CABLES1: variants seen among roughly 807,000 people sequenced by gnomAD.
CABLES1 encodes the protein CDK5 and ABL1 enzyme substrate 1.
Under a neutral mutation model 57.8 loss-of-function variants are expected in CABLES1, and 36 were observed. The ratio of observed to expected loss-of-function variants is 0.62; its 90% CI spans 0.48 to 0.82. The LOEUF (loss-of-function observed/expected upper bound fraction) is 0.82. Among genes scored for constraint, CABLES1 ranks in the 40% least tolerant of loss-of-function variants. CABLES1 has a pLI of 0.00. For synonymous variants in CABLES1, 374 were observed against 363.0 expected (o/e 1.03, Z -0.35); for missense variants, 767 against 836.6 (o/e 0.92, Z 1.03).
intron 4 of CABLES1, 65 bp downstream of exon 4, chr18:23,214,119 T>A (rs759011843): frequency 1.8e-6 from 2 of 1,139,030 alleles, no homozygotes; most frequent in Non-Finnish European, 1.3e-6. Context: ...ATGTACATAA[T>A]GTGGCCATCC....
At chr18:23,143,286 C>T (rs939078095) in intron 1 of CABLES1, among the ~76,000 whole-genome samples, 1 of 152,202 alleles carries the variant, frequency 6.6e-6, no homozygotes, top group Non-Finnish European at 1.5e-5. Context: ...CCTGTGCTTC[C>T]TCTCTTCTTG....
chr18:23,211,559 C>T (rs1434872877), intron 3 of CABLES1, among the ~76,000 whole-genome samples: 1 of 152,236 alleles, frequency 6.6e-6, no homozygotes, highest in Non-Finnish European at 1.5e-5. Context: ...GGAAAGCCGG[C>T]CTAGAACATC....
At chr18:23,247,147 C>T (rs912223796) in intron 7 of CABLES1, among the ~76,000 whole-genome samples, 1 of 152,260 alleles carries the variant, frequency 6.6e-6, no homozygotes, top group African/African-American at 2.4e-5. Flanking sequence ...CCCCAGCTCA[C>T]CCCCAGCACT....
At position 23,143,253 on chromosome 18, in the gene CABLES1, A is replaced by C. The variant is rs528079375; in HGVS notation, c.845+6646A>C. Among the ~76,000 whole-genome samples, 3 of 152,300 alleles carry C rather than the reference A, an allele frequency of 2.0e-5. No homozygotes were observed. The East Asian group carries it at 5.8e-4, about 29-fold the overall frequency. ...AAATAGGGATTCCTGTGACTCTGGC[A>C]ATTAACTCCCGCCCTCTGCCTGCCT... On this transcript the variant is annotated intron_variant, in intron 1 of 9. Transcript: ENST00000256925.
At chr18:23,237,861 G>C (rs528169445) in intron 7 of CABLES1, among the ~76,000 whole-genome samples, 21 of 152,380 alleles carry the variant, frequency 1.4e-4, no homozygotes, top group African/African-American at 4.8e-4. Flanking sequence ...GGGCCTGGCG[G>C]GGCCCTGGGC....
At chr18:23,205,827 C>G (rs547314063) in intron 3 of CABLES1, among the ~76,000 whole-genome samples, 3 of 152,232 alleles carry the variant, frequency 2.0e-5, no homozygotes, top group East Asian at 3.9e-4. Context: ...CCACTGCCCT[C>G]TAGTCTAGGT....
At chr18:23,256,861 T>G (rs566501642) in intron 9 of CABLES1, among the ~76,000 whole-genome samples, 3 of 152,360 alleles carry the variant, frequency 2.0e-5, no homozygotes, top group South Asian at 2.1e-4. Flanking sequence ...TAGGGTGGAC[T>G]CTTAGTGCTG....
At chr18:23,256,650 TTTG>T (rs1210518138) in intron 9 of CABLES1, among the ~76,000 whole-genome samples, 10 of 152,016 alleles carry the variant, frequency 6.6e-5, no homozygotes, top group African/African-American at 2.2e-4. Flanking sequence ...CCGGCTCATT[TTTG>T]TTATTTTTAG....
intron 8 of CABLES1, 64 bp downstream of exon 8, chr18:23,253,130 C>T: frequency 1.1e-6 from 1 of 902,340 alleles, no homozygotes; most frequent in Non-Finnish European, 1.8e-6. Flanking sequence ...ACACCGTAAG[C>T]TTGTCATCTG....
intron 1 of CABLES1, among the ~76,000 whole-genome samples, chr18:23,165,988 G>A (rs942743050): frequency 4.9e-4 from 75 of 152,152 alleles, no homozygotes; most frequent in Non-Finnish European, 2.2e-4. Context: ...TCTTCTGTGC[G>A]CAGAAAAGCA....
chr18:23,144,095 A>T (rs1001652198), intron 1 of CABLES1, among the ~76,000 whole-genome samples: 1 of 152,150 alleles, frequency 6.6e-6, no homozygotes, highest in Non-Finnish European at 1.5e-5. Context: ...CCTTCCTTCC[A>T]GCTCCGTCAG....
chr18:23,211,393 G>C (rs1197789717), intron 3 of CABLES1, among the ~76,000 whole-genome samples: 4 of 152,216 alleles, frequency 2.6e-5, no homozygotes, highest in Non-Finnish European at 5.9e-5. Context: ...GCAGGGAGTG[G>C]CAGTGAGGGT....
chr18:23,150,207 G>GTTTTTT lies in CABLES1; in HGVS notation c.845+13614_845+13619dup, dbSNP rs10638130. On this transcript the variant is annotated intron_variant, in intron 1 of 9. Coordinates refer to ENST00000256925, the MANE Select transcript of CABLES1 (RefSeq NM_001100619.3). ...TTTAAGGTCATAGTAGTTGGTGTTT[G>GTTTTTT]TTTTTTTTTTTTTTTTTTTGAGACG... is the stretch of plus-strand genomic sequence containing the variant. Among the ~76,000 whole-genome samples the GTTTTTT allele has an allele frequency of 7.4e-3, 790 of 106,310 alleles. 13 individuals are homozygous for GTTTTTT. The highest frequency in any genetic ancestry group is 8.6e-3 in the Non-Finnish European group (496 of 57,976). The allele number at this position is 106,310 out of a possible 152,430, so 69.7% of individuals were successfully genotyped here.
At chr18:23,217,934 C>T (rs987801347) in intron 4 of CABLES1, among the ~76,000 whole-genome samples, 21 of 152,228 alleles carry the variant, frequency 1.4e-4, no homozygotes, top group Non-Finnish European at 2.1e-4. Flanking sequence ...TCAGCAACAC[C>T]GGAATTTGGG....
chr18:23,254,075 TTCC>T lies in CABLES1; in HGVS notation c.1761+140_1761+142del. Reference sequence around the variant, plus strand: ...AATTGAGGTGAAGGCTATGAAGTCTTTCCCATAGTGGGAATAGTCAGGCTATCT... The same window carrying T: ...AATTGAGGTGAAGGCTATGAAGTCTTCATAGTGGGAATAGTCAGGCTATCT... On this transcript the variant is annotated intron_variant, in intron 9 of 9. Transcript: ENST00000256925. The T allele has an allele frequency of 4.3e-6, 3 of 694,774 alleles. No homozygotes were observed. The South Asian group carries it at 5.4e-5, about 12-fold the overall frequency. The allele number at this position is 694,774 out of a possible 1,614,324, so 43.0% of individuals were successfully genotyped here.
chr18:23,153,559 C>A (rs1218573267), intron 1 of CABLES1, among the ~76,000 whole-genome samples: 1 of 151,960 alleles, frequency 6.6e-6, no homozygotes, highest in Admixed American at 6.6e-5. Context: ...CATGGTGAAA[C>A]CCTGTCTCTA....
chr18:23,223,940 C>T (rs539277311), intron 4 of CABLES1, among the ~76,000 whole-genome samples: 13 of 151,932 alleles, frequency 8.6e-5, no homozygotes, highest in East Asian at 1.9e-4. Flanking sequence ...ATAGATTGCA[C>T]GGCCACTTCT....
chr18:23,153,920 A>G (rs559107212), intron 1 of CABLES1, among the ~76,000 whole-genome samples: 1 of 152,176 alleles, frequency 6.6e-6, no homozygotes, highest in South Asian at 2.1e-4. Context: ...AATCTCAGCC[A>G]CCTAGGACGC....
At chr18:23,150,207 G>GTTTTTTGTTTTTTTT (rs1555658964) in intron 1 of CABLES1, among the ~76,000 whole-genome samples, 1 of 106,674 alleles carries the variant, frequency 9.4e-6, no homozygotes, top group African/African-American at 4.1e-5. Flanking sequence ...GTTGGTGTTT[G>GTTTTTTGTTTTTTTT]TTTTTTTTTT....
Sources: allele counts gnomAD v4.1 joint callset (sites outside exome capture counted in the v4.1 genomes callset), GRCh38; gene constraint gnomAD v4.1.1; transcripts MANE v1.5; gene names NCBI Gene and HGNC (gene_info 2026-07-23, HGNC 2026-07-21).